Variants in CDH18 observed in about 807,000 individuals in gnomAD.
CDH18 encodes cadherin 18.
In CDH18, 31 loss-of-function variants were observed where a neutral mutation model predicts 67.9. The observed-to-expected ratio is 0.46, with a 90% confidence interval of 0.34 to 0.62. The LOEUF (loss-of-function observed/expected upper bound fraction) is 0.62, where lower values mean the gene tolerates loss of function less well. Among genes scored for constraint, CDH18 ranks in the 20% least tolerant of loss-of-function variants. The pLI is 0.01. For synonymous variants in CDH18, 362 were observed against 347.2 expected (o/e 1.04, Z -0.48); for missense variants, 890 against 975.5 (o/e 0.91, Z 1.17).
At chr5:19,691,828 T>TC (rs1415498906) in intron 5 of CDH18, among the ~76,000 whole-genome samples, 4 of 151,836 alleles carry the variant, frequency 2.6e-5, no homozygotes, top group African/African-American at 9.7e-5. Flanking sequence ...TGAATGCAAT[T>TC]CCTATCAAAA....
intron 1 of CDH18, among the ~76,000 whole-genome samples, chr5:19,981,768 T>C (rs112388517): frequency 0.014 from 2,176 of 152,320 alleles, 26 homozygotes; most frequent in Middle Eastern, 0.051. Context: ...CTAGGGCTTT[T>C]GCACTTGCTT....
chr5:20,363,204 G>A (rs1742228592), intron 1 of CDH18, among the ~76,000 whole-genome samples: 2 of 149,374 alleles, frequency 1.3e-5, no homozygotes, highest in African/African-American at 4.9e-5. Context: ...CCAGCATGTG[G>A]CCAGGTGCAG....
At chr5:20,569,547 G>A (rs1428581013) in intron 1 of CDH18, among the ~76,000 whole-genome samples, 1 of 152,060 alleles carries the variant, frequency 6.6e-6, no homozygotes, top group East Asian at 1.9e-4. Context: ...GGAGGTGGAG[G>A]TTGCAGTGAG....
intron 2 of CDH18, among the ~76,000 whole-genome samples, chr5:19,938,701 C>T (rs1794527528): frequency 6.6e-6 from 1 of 150,966 alleles, no homozygotes; most frequent in African/African-American, 2.4e-5. Context: ...TGATGTTGAC[C>T]AAAAAATGTA....
chr5:20,467,424 C>T (rs1351233314), intron 1 of CDH18, among the ~76,000 whole-genome samples: 3 of 151,964 alleles, frequency 2.0e-5, no homozygotes, highest in African/African-American at 7.3e-5. Context: ...AAGATTTAGC[C>T]TTTGGGGTAT....
chr5:19,519,455 A>G (rs1354795857), intron 10 of CDH18, among the ~76,000 whole-genome samples: 1 of 152,156 alleles, frequency 6.6e-6, no homozygotes, highest in Non-Finnish European at 1.5e-5. Flanking sequence ...ATAATAGAGT[A>G]CTTTTGACTC....
intron 1 of CDH18, among the ~76,000 whole-genome samples, chr5:20,271,284 G>T (rs1745416053): frequency 6.6e-6 from 1 of 152,090 alleles, no homozygotes. Context: ...CACTAGAACT[G>T]TTGTCCTCAC....
Position 19,483,430 on chromosome 5 carries a change from T to A in CDH18, c.1753A>T (p.Thr585Ser). The part of the protein sequence containing the change: ...IPSLSSSSTL[T>S]IRVCACERDG... ...CTCTCGCATGCACAAACCCTGATGG[T>A]GAGGGTGCTGCTGCTGCTGAGAGAG... Residue 585 changes from threonine (T) to serine (S), a missense_variant, in exon 12 of 13, where the codon ACC (threonine) becomes TCC (serine). Physicochemically the swap from Thr to Ser is moderately conservative, Grantham distance 58 (BLOSUM62 1). Transcript: ENST00000382275. The A allele has an allele frequency of 1.2e-6, 2 of 1,613,986 alleles. No homozygotes were observed. Among genetic ancestry groups the A allele is most frequent in the South Asian group, 2.2e-5 (2 of 91,062 alleles).
chr5:19,727,790 A>G (rs915847903), intron 4 of CDH18, among the ~76,000 whole-genome samples: 1 of 152,192 alleles, frequency 6.6e-6, no homozygotes, highest in African/African-American at 2.4e-5. Flanking sequence ...ATAAAATAAA[A>G]AGTTATTGTT....
At chr5:20,197,851 C>A (rs1739106729) in intron 2 of CDH18, among the ~76,000 whole-genome samples, 1 of 152,060 alleles carries the variant, frequency 6.6e-6, no homozygotes, top group Admixed American at 6.5e-5. Flanking sequence ...GCTCTGTGTC[C>A]CCACTCAAAT....
chr5:20,366,659 T>A (rs193057606), intron 1 of CDH18, among the ~76,000 whole-genome samples: 1 of 152,304 alleles, frequency 6.6e-6, no homozygotes, highest in East Asian at 1.9e-4. Flanking sequence ...GAAGTAATAA[T>A]AATTCATCAA....
chr5:19,725,153 C>G (rs1275598575), intron 4 of CDH18, among the ~76,000 whole-genome samples: 1 of 152,018 alleles, frequency 6.6e-6, no homozygotes, highest in Non-Finnish European at 1.5e-5. Flanking sequence ...GTCTCGATCT[C>G]CTGACCTCGT....
At chr5:19,902,911 A>G (rs1158206799) in intron 2 of CDH18, among the ~76,000 whole-genome samples, 3 of 152,216 alleles carry the variant, frequency 2.0e-5, no homozygotes, top group Non-Finnish European at 4.4e-5. Context: ...GTAAATGGGC[A>G]TAAGAAAAGT....
intron 2 of CDH18, among the ~76,000 whole-genome samples, chr5:20,101,235 T>C (rs1026732245): frequency 6.6e-6 from 1 of 152,156 alleles, no homozygotes; most frequent in South Asian, 2.1e-4. Flanking sequence ...ATGCTGACAT[T>C]ACAGGCATGA....
intron 2 of CDH18, among the ~76,000 whole-genome samples, chr5:20,219,773 C>T (rs1176874893): frequency 6.6e-6 from 1 of 151,562 alleles, no homozygotes; most frequent in Non-Finnish European, 1.5e-5. Flanking sequence ...TTATAAAATT[C>T]AACATCCCTT....
intron 1 of CDH18, among the ~76,000 whole-genome samples, chr5:19,983,588 A>T (rs1467190175): frequency 6.6e-6 from 1 of 152,148 alleles, no homozygotes; most frequent in Non-Finnish European, 1.5e-5. Context: ...CCTACCAAGA[A>T]ATTTCTAAAT....
rs184045390 is a variant in CDH18, at chr5:20,517,942, G to T, written c.-580+57520C>A. On this transcript the variant is annotated intron_variant, in intron 1 of 14. Transcript: ENST00000507958. ...ATAGTTTTCTGTGGAATCAGATAAT[G>T]GAACAGGTTGAATTCTAAATCTATA... is the stretch of plus-strand genomic sequence containing the variant. Among the ~76,000 whole-genome samples the T allele has an allele frequency of 2.4e-3, 364 of 152,100 alleles. 4 individuals are homozygous for T. Among genetic ancestry groups the T allele is most frequent in the African/African-American group, 8.2e-3 (340 of 41,534 alleles).
chr5:19,534,311 AAGC>A lies in CDH18; in HGVS notation c.1390+9555_1390+9557del, dbSNP rs1482129676. 4.6e-5 allele frequency among the ~76,000 whole-genome samples: 7 copies of A among 152,180 alleles called. No individual in the cohort carries two copies. The South Asian group carries it at 1.5e-3, about 32-fold the overall frequency. On this transcript the variant is annotated intron_variant, in intron 9 of 12. Coordinates refer to ENST00000382275, the MANE Select transcript of CDH18 (RefSeq NM_004934.5). ...GATTAATACATTAAAAAAAAACTGA[AAGC>A]AGCAACATTTTTAATGGCTATGTAA...
chr5:19,619,728 A>T (rs763788319), intron 5 of CDH18, among the ~76,000 whole-genome samples: 1 of 152,184 alleles, frequency 6.6e-6, no homozygotes, highest in Non-Finnish European at 1.5e-5. Context: ...GAAAGTCAAG[A>T]TTGACCAAAC....
Sources: gnomAD v4.1 joint callset for allele counts (sites outside exome capture counted in the v4.1 genomes callset) on GRCh38, gnomAD v4.1.1 for gene constraint, MANE v1.5 for transcripts, NCBI Gene and HGNC (gene_info 2026-07-23, HGNC 2026-07-21) for gene names.